GPC5: variants seen among roughly 807,000 people sequenced by gnomAD.
GPC5 encodes glypican-5.
GPC5 carries 47 observed loss-of-function variants against 53.9 expected under a neutral mutation model. That is an observed-to-expected ratio of 0.87 (90% CI 0.69 to 1.11). The LOEUF is 1.11. Ranked by LOEUF, GPC5 falls within the 50% of genes most tolerant of loss-of-function variation. The pLI, the probability that GPC5 is intolerant of heterozygous loss-of-function variation, is 0.00. For synonymous variants in GPC5, 286 were observed against 263.3 expected, an observed-to-expected ratio of 1.09 and a Z score of -0.84; for missense variants, 748 against 713.1, an observed-to-expected ratio of 1.05 and a Z score of -0.56.
At chr13:92,223,194 G>A (rs2042461743) in intron 7 of GPC5, among the ~76,000 whole-genome samples, 1 of 152,102 alleles carries the variant, frequency 6.6e-6, no homozygotes, top group African/African-American at 2.4e-5. Context: ...TGACCTCAAA[G>A]CAATTCTGTT....
chr13:92,430,774 C>T (rs1397922768), intron 7 of GPC5, among the ~76,000 whole-genome samples: 9 of 152,004 alleles, frequency 5.9e-5, no homozygotes, highest in Non-Finnish European at 1.2e-4. Context: ...GGGTGAGGGA[C>T]AATGGGAACC....
chr13:92,081,168 G>A (rs142194243), intron 6 of GPC5, among the ~76,000 whole-genome samples: 28 of 152,132 alleles, frequency 1.8e-4, no homozygotes, highest in Non-Finnish European at 3.5e-4. Flanking sequence ...GAGTGGAGTG[G>A]CACGATCACT....
chr13:92,180,063 C>T (rs993079768), intron 7 of GPC5, among the ~76,000 whole-genome samples: 110 of 152,114 alleles, frequency 7.2e-4, no homozygotes, highest in African/African-American at 2.4e-3. Context: ...ACTACTATAA[C>T]AAATATGCTC....
chr13:92,444,507 A>C (rs1177065302), intron 7 of GPC5, among the ~76,000 whole-genome samples: 1 of 152,088 alleles, frequency 6.6e-6, no homozygotes, highest in African/African-American at 2.4e-5. Flanking sequence ...AGAAGGTGGC[A>C]GTTTCAAAAG....
intron 6 of GPC5, among the ~76,000 whole-genome samples, chr13:91,988,885 T>TCTCA (rs1019938488): frequency 1.3e-5 from 2 of 151,938 alleles, no homozygotes; most frequent in African/African-American, 4.8e-5. Flanking sequence ...TTTGAAATAG[T>TCTCA]CTCACATTGA....
chr13:92,559,330 A>ATGTG (rs5805755), intron 7 of GPC5, among the ~76,000 whole-genome samples: 2,995 of 143,086 alleles, frequency 0.021, 39 homozygotes, highest in Non-Finnish European at 0.026. Flanking sequence ...TAGTGTGTAT[A>ATGTG]TGTGTGTGTG....
chr13:92,304,662 C>T (rs1168400678), intron 7 of GPC5, among the ~76,000 whole-genome samples: 1 of 143,158 alleles, frequency 7.0e-6, no homozygotes, highest in Non-Finnish European at 1.5e-5. Flanking sequence ...ATTTCAAATG[C>T]TTTCTCAAAT....
rs150511969 is a variant in GPC5, at chr13:92,653,535, T to C, written c.1562-212747T>C. 1.1e-3 allele frequency among the ~76,000 whole-genome samples: 162 copies of C among 152,252 alleles called. 1 individual carries two copies. The highest frequency in any genetic ancestry group is 3.7e-3 in the African/African-American group (154 of 41,536). The stretch of plus-strand genomic sequence containing the variant: ...GCATCACTTAAGATTCTTTAGGAAA[T>C]AGAAAGCATATTCAAAGGGGATAAT... On this transcript the variant is annotated intron_variant, in intron 7 of 7. Transcript: ENST00000377067.
chr13:91,791,497 A>T (rs1272942678), intron 5 of GPC5, among the ~76,000 whole-genome samples: 1 of 152,196 alleles, frequency 6.6e-6, no homozygotes, highest in East Asian at 1.9e-4. Context: ...CATGGTGGAA[A>T]TGAAAGTATG....
chr13:91,883,318 A>G (rs1216608335), intron 5 of GPC5, among the ~76,000 whole-genome samples: 1 of 152,220 alleles, frequency 6.6e-6, no homozygotes, highest in African/African-American at 2.4e-5. Flanking sequence ...TAAAGGTCAG[A>G]TAGAATTACT....
chr13:92,804,973 A>C (rs1195737147), intron 7 of GPC5, among the ~76,000 whole-genome samples: 1 of 151,976 alleles, frequency 6.6e-6, no homozygotes, highest in Non-Finnish European at 1.5e-5. Context: ...TTTTATCATG[A>C]GATTACAGCA....
intron 7 of GPC5, among the ~76,000 whole-genome samples, chr13:92,201,284 C>T (rs767077183): frequency 6.6e-6 from 1 of 152,136 alleles, no homozygotes; most frequent in Non-Finnish European, 1.5e-5. Context: ...GGTATTTCAT[C>T]AGTTCTAAGT....
intron 7 of GPC5, among the ~76,000 whole-genome samples, chr13:92,212,236 T>A (rs1442154728): frequency 6.6e-6 from 1 of 152,108 alleles, no homozygotes; most frequent in Non-Finnish European, 1.5e-5. Flanking sequence ...TAGCCTCACC[T>A]CTAGCTATGC....
intron 2 of GPC5, among the ~76,000 whole-genome samples, chr13:91,450,733 AAATT>A (rs1881121444): frequency 6.6e-6 from 1 of 152,096 alleles, no homozygotes; most frequent in East Asian, 1.9e-4. Flanking sequence ...TGCTATTTAA[AAATT>A]AATTATAAAA....
intron 7 of GPC5, among the ~76,000 whole-genome samples, chr13:92,351,897 T>C (rs1594124529): frequency 6.6e-6 from 1 of 152,212 alleles, no homozygotes; most frequent in African/African-American, 2.4e-5. Context: ...AATGATTCTT[T>C]CTAAATTGAT....
At chr13:92,054,925 G>C (rs2041062284) in intron 6 of GPC5, among the ~76,000 whole-genome samples, 1 of 152,052 alleles carries the variant, frequency 6.6e-6, no homozygotes, top group Non-Finnish European at 1.5e-5. Flanking sequence ...AGTTTTATGG[G>C]TATCCCATAT....
chr13:91,869,778 C>T (rs2039123658), intron 5 of GPC5, among the ~76,000 whole-genome samples: 1 of 152,094 alleles, frequency 6.6e-6, no homozygotes, highest in Non-Finnish European at 1.5e-5. Context: ...CCTCAGGAAA[C>T]TTATAATTGT....
intron 6 of GPC5, among the ~76,000 whole-genome samples, chr13:91,918,631 C>T (rs1170034233): frequency 6.6e-6 from 1 of 152,156 alleles, no homozygotes; most frequent in Non-Finnish European, 1.5e-5. Flanking sequence ...CCCTGAAATA[C>T]TTTTGCTAAG....
chr13:92,153,856 T>C (rs2041924359), intron 7 of GPC5, among the ~76,000 whole-genome samples: 2 of 152,204 alleles, frequency 1.3e-5, no homozygotes, highest in Admixed American at 6.5e-5. Flanking sequence ...CATAATTAAT[T>C]GGATTTCACT....
Sources: allele counts gnomAD v4.1 joint callset (sites outside exome capture counted in the v4.1 genomes callset), GRCh38; gene constraint gnomAD v4.1.1; transcripts MANE v1.5; gene names NCBI Gene and HGNC (gene_info 2026-07-23, HGNC 2026-07-21).